Variants in FAM184B observed in about 807,000 individuals in gnomAD.
The protein encoded by FAM184B is protein FAM184B.
FAM184B carries 111 observed loss-of-function variants against 135.9 expected under a neutral mutation model. The observed-to-expected ratio is 0.82, with a 90% CI of 0.70 to 0.96. FAM184B has a LOEUF of 0.96. Ranked by LOEUF, FAM184B falls within the 40% of genes least tolerant of loss-of-function variation. The probability of loss-of-function intolerance (pLI) is 0.00; values close to 1 mark genes in which losing one functional copy is unlikely to be tolerated. For synonymous variants in FAM184B, 552 were observed against 524.8 expected (o/e 1.05, Z -0.71); for missense variants, 1,375 against 1,323.9 (o/e 1.04, Z -0.60).
intron 10 of FAM184B, among the ~76,000 whole-genome samples, chr4:17,654,153 A>G (rs935619699): frequency 6.6e-6 from 1 of 151,028 alleles, no homozygotes; most frequent in Admixed American, 6.6e-5. Context: ...GGCTTGTGCT[A>G]ATTTGTTACA....
intron 10 of FAM184B, among the ~76,000 whole-genome samples, chr4:17,656,230 C>A (rs7697329): frequency 0.71 from 108,492 of 152,082 alleles, 39,577 homozygotes; most frequent in East Asian, 0.93. Context: ...CACAAAGGTC[C>A]ATGTCACCCA....
chr4:17,709,154 C>A lies in FAM184B; in HGVS notation c.632G>T (p.Ser211Ile), dbSNP rs1313258454. Reference sequence around the variant, plus strand: ...CTCGGCCTTGCGGGCGTAGTCCTTGCTCAGCTGCTGGTTCTCCACTCGCAG... The same window carrying A: ...CTCGGCCTTGCGGGCGTAGTCCTTGATCAGCTGCTGGTTCTCCACTCGCAG... ...QRLRVENQQL[S>I]KDYARKAEEL... The change falls in exon 2 of 18, where the codon AGC becomes ATC. Residue 211 changes from serine (S) to isoleucine (I), a missense_variant. By Grantham distance (142) the Ser-to-Ile change is moderately radical. Transcript: ENST00000265018. The A allele has an allele frequency of 1.9e-6, 3 of 1,548,262 alleles. No homozygotes were observed. Among genetic ancestry groups the A allele is most frequent in the Non-Finnish European group, 2.6e-6 (3 of 1,146,956 alleles).
chr4:17,725,680 G>A (rs1717622901), intron 1 of FAM184B, among the ~76,000 whole-genome samples: 1 of 152,100 alleles, frequency 6.6e-6, no homozygotes, highest in Non-Finnish European at 1.5e-5. Flanking sequence ...TTTCTTGGCT[G>A]GGTTCCCTGA....
intron 10 of FAM184B, among the ~76,000 whole-genome samples, chr4:17,655,569 T>C (rs879628729): frequency 1.2e-4 from 18 of 152,192 alleles, no homozygotes; most frequent in Middle Eastern, 3.2e-3. Flanking sequence ...AAAAGTCCTA[T>C]ATTATGTAAA....
intron 5 of FAM184B, among the ~76,000 whole-genome samples, chr4:17,695,726 A>G (rs889010234): frequency 2.0e-5 from 3 of 152,186 alleles, no homozygotes; most frequent in Non-Finnish European, 2.9e-5. Flanking sequence ...TGGGGAAGAC[A>G]GGAGTGGATT....
chr4:17,720,529 A>G (rs1396422631), intron 1 of FAM184B, among the ~76,000 whole-genome samples: 1 of 151,936 alleles, frequency 6.6e-6, no homozygotes, highest in Non-Finnish European at 1.5e-5. Flanking sequence ...GAGCCCCTGT[A>G]CATTGCTGGT....
At position 17,709,707 on chromosome 4, in the gene FAM184B, G is replaced by A. The variant is rs145575503; in HGVS notation, c.142-63C>T. On this transcript the variant is annotated intron_variant, in intron 1 of 17. Transcript: ENST00000265018. ...GGCTGGGGTGTGGGAGGGCTGAGGG[G>A]ACAGAGCAATATTCTCCTGCATGGC... The A allele has an allele frequency of 2.2e-4, 311 of 1,394,128 alleles. 2 individuals are homozygous for A. The African/African-American group carries it at 3.9e-3, about 18-fold the overall frequency. The allele number at this position is 1,394,128 out of a possible 1,614,324, so 86.4% of individuals were successfully genotyped here. A position where few individuals can be genotyped will look rare whatever the true frequency, so the allele number is the denominator to read the frequency against.
chr4:17,676,234 C>A (rs113961925), intron 7 of FAM184B, among the ~76,000 whole-genome samples: 3 of 152,042 alleles, frequency 2.0e-5, no homozygotes, highest in Non-Finnish European at 4.4e-5. Context: ...TGTGTTTCAG[C>A]GAATAGGGAG....
At chr4:17,705,634 G>A (rs1055135493) in intron 4 of FAM184B, 118 bp downstream of exon 4, 3 of 1,230,430 alleles carry the variant, frequency 2.4e-6, no homozygotes, top group Non-Finnish European at 3.3e-6. Context: ...AGGAACTACA[G>A]GGTCTTCTGA....
chr4:17,710,402 G>A (rs1454784810), intron 1 of FAM184B, among the ~76,000 whole-genome samples: 1 of 152,092 alleles, frequency 6.6e-6, no homozygotes, highest in Admixed American at 6.6e-5. Flanking sequence ...TTGAAAATCA[G>A]CTAATGTAAT....
intron 1 of FAM184B, among the ~76,000 whole-genome samples, chr4:17,731,663 C>G (rs577379930): frequency 6.6e-6 from 1 of 152,340 alleles, no homozygotes; most frequent in Non-Finnish European, 1.5e-5. Flanking sequence ...TACAGGAGCA[C>G]TCAGATTCAC....
chr4:17,665,822 G>A (rs948479662), intron 7 of FAM184B, among the ~76,000 whole-genome samples: 3 of 152,144 alleles, frequency 2.0e-5, no homozygotes, highest in Non-Finnish European at 4.4e-5. Flanking sequence ...CACTAACGGG[G>A]ACTCCCAGCA....
rs747152609 is a variant in FAM184B at position 17,642,157 on chromosome 4, C to T, written c.2418G>A (p.Gly806=). ...AAGQGSGEGC[G]LWEENAQLQD... ...GGAGCTGCGCGTTCTCCTCCCAGAGCCCGCATCCCTCGCCGGAACCCTGCC... is the reference window on the plus strand; with the variant it reads ...GGAGCTGCGCGTTCTCCTCCCAGAGTCCGCATCCCTCGCCGGAACCCTGCC... The change falls in exon 13 of 18, where the codon GGG becomes GGA. Residue 806 remains glycine, a synonymous_variant. Coordinates refer to ENST00000265018, the MANE Select transcript of FAM184B (RefSeq NM_015688.2). The T allele has an allele frequency of 2.0e-5, 30 of 1,533,318 alleles. No homozygotes were observed. The highest frequency in any genetic ancestry group is 1.9e-4 in the Middle Eastern group (1 of 5,344). 95.0% of individuals were successfully genotyped at this position (1,533,318 alleles called of 1,614,324 possible). A position where few individuals can be genotyped will look rare whatever the true frequency, so the allele number is the denominator to read the frequency against.
chr4:17,652,455 G>A (rs1715647209), intron 11 of FAM184B, among the ~76,000 whole-genome samples: 1 of 152,172 alleles, frequency 6.6e-6, no homozygotes, highest in Non-Finnish European at 1.5e-5. Flanking sequence ...AATCCACACA[G>A]TGAGCCTATG....
At chr4:17,758,883 A>AG (rs1457803073) in intron 1 of FAM184B, among the ~76,000 whole-genome samples, 2 of 152,056 alleles carry the variant, frequency 1.3e-5, no homozygotes, top group Admixed American at 1.3e-4. Flanking sequence ...AAAAAAAAAA[A>AG]CCAAGTAAGC....
chr4:17,646,895 GC>G (rs984441382), intron 12 of FAM184B, among the ~76,000 whole-genome samples: 1 of 152,096 alleles, frequency 6.6e-6, no homozygotes, highest in African/African-American at 2.4e-5. Context: ...CAAAGTCTGA[GC>G]AGGAAGAGGA....
intron 5 of FAM184B, among the ~76,000 whole-genome samples, chr4:17,695,829 G>T (rs1435986817): frequency 6.6e-6 from 1 of 152,162 alleles, no homozygotes; most frequent in African/African-American, 2.4e-5. Context: ...GAATTCAGGG[G>T]AGGGTTCTGG....
chr4:17,716,779 C>G (rs934470593), intron 1 of FAM184B, among the ~76,000 whole-genome samples: 2 of 152,100 alleles, frequency 1.3e-5, no homozygotes, highest in Non-Finnish European at 2.9e-5. Flanking sequence ...GCCTTGCATT[C>G]TTGGCATTCT....
At chr4:17,707,560 C>A in intron 3 of FAM184B, 89 bp downstream of exon 3, 5 of 1,501,562 alleles carry the variant, frequency 3.3e-6, no homozygotes, top group Admixed American at 2.0e-5. Context: ...CCTCTCTGCT[C>A]CCTTAGCAGG....
Sources: allele counts gnomAD v4.1 joint callset (sites outside exome capture counted in the v4.1 genomes callset), GRCh38; gene constraint gnomAD v4.1.1; transcripts MANE v1.5; gene names NCBI Gene and HGNC (gene_info 2026-07-23, HGNC 2026-07-21).